Variants in DLGAP2 observed in about 807,000 individuals in gnomAD.
DLGAP2 encodes disks large-associated protein 2.
Under a neutral mutation model 100.3 loss-of-function variants are expected in DLGAP2, and 26 were observed. The ratio of observed to expected loss-of-function variants is 0.26; its 90% CI spans 0.19 to 0.36. DLGAP2 has a LOEUF of 0.36. Ranked by LOEUF, DLGAP2 falls within the 10% of genes least tolerant of loss-of-function variation. DLGAP2 has a pLI of 1.00. For synonymous variants in DLGAP2, 886 were observed against 630.1 expected (o/e 1.41, Z -6.08); for missense variants, 1,858 against 1,453.2 (o/e 1.28, Z -4.53).
intron 8 of DLGAP2, among the ~76,000 whole-genome samples, chr8:1,664,199 G>A (rs1442963985): frequency 6.6e-6 from 1 of 152,180 alleles, no homozygotes; most frequent in African/African-American, 2.4e-5. Flanking sequence ...CTACAGGACA[G>A]GCCGTGTCAC....
At chr8:874,439 T>C (rs1178609176) in intron 1 of DLGAP2, among the ~76,000 whole-genome samples, 4 of 152,196 alleles carry the variant, frequency 2.6e-5, no homozygotes, top group Admixed American at 6.5e-5. Flanking sequence ...TCTAATTTCC[T>C]TTGGGATTTG....
chr8:1,370,262 C>A (rs138059004), intron 3 of DLGAP2, among the ~76,000 whole-genome samples: 1 of 152,266 alleles, frequency 6.6e-6, no homozygotes, highest in East Asian at 1.9e-4. Flanking sequence ...CGGTGCCTGG[C>A]TCTGACAAGT....
chr8:964,929 CG>C (rs1181933031), intron 2 of DLGAP2, among the ~76,000 whole-genome samples: 7 of 152,210 alleles, frequency 4.6e-5, no homozygotes, highest in Admixed American at 2.6e-4. Context: ...CACGTTCACA[CG>C]GCACTGTCGC....
rs925379921 is a variant in DLGAP2 at position 1,706,557 on chromosome 8, A to G, written c.*5151A>G. On this transcript the variant is annotated 3_prime_UTR_variant, in exon 15 of 15. Transcript: ENST00000637795. The stretch of plus-strand genomic sequence containing the variant: ...TTTGGAAAGGTTTGGAAATGCAGAA[A>G]TAACTACAAGGGCCATTCTCCTTAG... The G allele has an allele frequency of 1.3e-5, 2 of 152,216 alleles. No individual in the cohort carries two copies. The highest frequency in any genetic ancestry group is 4.8e-5 in the African/African-American group (2 of 41,440). 9.4% of individuals were successfully genotyped at this position (152,216 alleles called of 1,614,324 possible).
chr8:1,422,199 A>AC (rs1797107503), intron 3 of DLGAP2, among the ~76,000 whole-genome samples: 1 of 152,140 alleles, frequency 6.6e-6, no homozygotes, highest in Non-Finnish European at 1.5e-5. Context: ...CCGCTAGGAG[A>AC]GAAAGACACA....
chr8:1,233,794 A>G (rs1426707181), intron 2 of DLGAP2, among the ~76,000 whole-genome samples: 1 of 152,224 alleles, frequency 6.6e-6, no homozygotes, highest in Non-Finnish European at 1.5e-5. Context: ...CTACTTGAAA[A>G]TATAAAATGT....
At chr8:1,592,207 G>T (rs763564477) in intron 6 of DLGAP2, among the ~76,000 whole-genome samples, 1 of 152,198 alleles carries the variant, frequency 6.6e-6, no homozygotes, top group Non-Finnish European at 1.5e-5. Flanking sequence ...CCCACTGCCA[G>T]TTTAGTCCAG....
At position 1,433,621 on chromosome 8, in the gene DLGAP2, C is replaced by T. The variant is rs181678140; in HGVS notation, c.107-67745C>T. On this transcript the variant is annotated intron_variant, in intron 3 of 14. Coordinates refer to ENST00000637795, the MANE Select transcript of DLGAP2 (RefSeq NM_001346810.2). ...ACACTGGGCAGCCAACGCAGCTGAC[C>T]GACTTGGAATTTTTTCTGTATCCAC... Among the ~76,000 whole-genome samples, 21 of 151,906 alleles carry T rather than the reference C, an allele frequency of 1.4e-4. No individual in the cohort carries two copies. In the East Asian group the frequency reaches 3.7e-3, roughly 27 times the overall value.
chr8:1,161,145 C>T (rs1389773352), intron 2 of DLGAP2, among the ~76,000 whole-genome samples: 1 of 152,160 alleles, frequency 6.6e-6, no homozygotes, highest in African/African-American at 2.4e-5. Flanking sequence ...AACGGTCTTA[C>T]ATTTATTAAC....
chr8:1,639,693 A>T (rs75122881), intron 8 of DLGAP2, among the ~76,000 whole-genome samples: 4 of 152,206 alleles, frequency 2.6e-5, no homozygotes, highest in Non-Finnish European at 5.9e-5. Flanking sequence ...AGTCTAAAGT[A>T]GGTTCTGTGG....
rs112375933 is a variant in DLGAP2 at position 1,365,210 on chromosome 8, C to T, written c.106+106327C>T. Among the ~76,000 whole-genome samples the T allele has an allele frequency of 8.4e-3, 1,281 of 152,260 alleles. 17 individuals carry two copies. The highest frequency in any genetic ancestry group is 0.029 in the African/African-American group (1,224 of 41,566). ...CCTGGGTGGTCACTTCTACCCGGTCCACACCTGCACCTGGGAGACACTCCT... is the reference window on the plus strand; with the variant it reads ...CCTGGGTGGTCACTTCTACCCGGTCTACACCTGCACCTGGGAGACACTCCT... On this transcript the variant is annotated intron_variant, in intron 3 of 14. Coordinates refer to ENST00000637795, the MANE Select transcript of DLGAP2 (RefSeq NM_001346810.2).
intron 4 of DLGAP2, among the ~76,000 whole-genome samples, chr8:1,513,741 T>C (rs970000792): frequency 4.6e-5 from 7 of 152,182 alleles, no homozygotes; most frequent in African/African-American, 1.7e-4. Context: ...CAATTATAGA[T>C]GTGTAAGTTA....
chr8:868,736 G>A (rs1797543279), intron 1 of DLGAP2, among the ~76,000 whole-genome samples: 1 of 152,138 alleles, frequency 6.6e-6, no homozygotes, highest in Admixed American at 6.5e-5. Context: ...TGTCACCTTG[G>A]AGTCCTCTTG....
intron 3 of DLGAP2, among the ~76,000 whole-genome samples, chr8:1,475,464 C>T (rs980891860): frequency 6.6e-6 from 1 of 152,170 alleles, no homozygotes; most frequent in African/African-American, 2.4e-5. Flanking sequence ...GAGCAGGCAT[C>T]AAAATGAGAG....
At chr8:1,319,843 G>C (rs1461136207) in intron 3 of DLGAP2, among the ~76,000 whole-genome samples, 2 of 152,214 alleles carry the variant, frequency 1.3e-5, no homozygotes, top group Non-Finnish European at 2.9e-5. Flanking sequence ...AGGTCAGGTT[G>C]CTGGAGCACT....
intron 2 of DLGAP2, among the ~76,000 whole-genome samples, chr8:1,233,676 T>C (rs1235862868): frequency 6.6e-6 from 1 of 152,170 alleles, no homozygotes; most frequent in Non-Finnish European, 1.5e-5. Context: ...TACTGATAGA[T>C]GATCTCAGTG....
At chr8:1,573,545 G>A (rs1042246239) in intron 6 of DLGAP2, among the ~76,000 whole-genome samples, 2 of 152,048 alleles carry the variant, frequency 1.3e-5, no homozygotes, top group Non-Finnish European at 2.9e-5. Context: ...TCACAGCTTG[G>A]GGAGCATATT....
chr8:1,272,309 G>T (rs1170435684), intron 3 of DLGAP2, among the ~76,000 whole-genome samples: 1 of 152,028 alleles, frequency 6.6e-6, no homozygotes, highest in Admixed American at 6.6e-5. Context: ...ATGCATAGCG[G>T]GTCCAGAGTG....
rs371665503 is a variant in DLGAP2 at position 1,187,494 on chromosome 8, A to G, written c.74-71357A>G. ...ACATTTGCCTCACGGAATCTCACAC[A>G]CCCGGGACCTCCGTGACGTTTGCTT... On this transcript the variant is annotated intron_variant, in intron 2 of 14. Transcript: ENST00000637795. Among the ~76,000 whole-genome samples the G allele has an allele frequency of 1.0e-2, 918 of 92,122 alleles. 21 individuals carry two copies. Among genetic ancestry groups the G allele is most frequent in the East Asian group, 0.039 (99 of 2,520 alleles). 60.4% of individuals were successfully genotyped at this position (92,122 alleles called of 152,430 possible).
Sources: gnomAD v4.1 joint callset for allele counts (sites outside exome capture counted in the v4.1 genomes callset) on GRCh38, gnomAD v4.1.1 for gene constraint, MANE v1.5 for transcripts, NCBI Gene and HGNC (gene_info 2026-07-23, HGNC 2026-07-21) for gene names.